Variants in NAP1L4 observed in about 807,000 individuals in gnomAD.
NAP1L4 encodes nucleosome assembly protein 1 like 4.
NAP1L4 carries 15 observed loss-of-function variants against 58.2 expected under a neutral mutation model. That is an observed-to-expected ratio of 0.26 (90% confidence interval 0.17 to 0.40). The LOEUF (loss-of-function observed/expected upper bound fraction) is 0.40. Among genes scored for constraint, NAP1L4 ranks in the 10% least tolerant of loss-of-function variants. The pLI is 1.00. For missense variants in NAP1L4, 384 were observed against 451.1 expected (o/e 0.85, Z 1.35); for synonymous variants, 171 against 155.6 (o/e 1.10, Z -0.74).
At chr11:2,964,865 T>C in intron 7 of NAP1L4, 114 bp from the exon 8 acceptor site, 1 of 744,024 alleles carries the variant, frequency 1.3e-6, no homozygotes, top group Non-Finnish European at 2.2e-6. Context: ...CCTATTGGAA[T>C]TCTGTCCTTG....
chr11:2,983,477 A>G (rs1366015143), intron 1 of NAP1L4, among the ~76,000 whole-genome samples: 1 of 152,118 alleles, frequency 6.6e-6, no homozygotes, highest in African/African-American at 2.4e-5. Context: ...TTAGCCTCTC[A>G]AAGTGCTGGG....
intron 1 of NAP1L4, chr11:2,989,967 A>G (rs537924877): frequency 6.6e-6 from 1 of 152,364 alleles, no homozygotes; most frequent in East Asian, 1.9e-4. Flanking sequence ...ACATGTGTAA[A>G]CTTTTCAGAA....
intron 10 of NAP1L4, among the ~76,000 whole-genome samples, chr11:2,956,054 T>C (rs1342734844): frequency 2.0e-5 from 3 of 152,118 alleles, no homozygotes; most frequent in African/African-American, 4.8e-5. Context: ...AGAGTTAATA[T>C]ATTAACAGGA....
Position 2,964,369 on chromosome 11 carries a change from A to G in NAP1L4, c.606+311T>C, listed in dbSNP as rs184908625. 2.3e-3 allele frequency among the ~76,000 whole-genome samples: 348 copies of G among 152,336 alleles called. 3 individuals carry two copies. The highest frequency in any genetic ancestry group is 2.4e-3 in the Non-Finnish European group (160 of 68,024). ...CCAGGAGTTGCAGCCTGACTCCTGC[A>G]TTGGTGCCCACCTGGCTGCAGGGTC... is the stretch of plus-strand genomic sequence containing the variant. On this transcript the variant is annotated intron_variant, in intron 8 of 15. Coordinates refer to ENST00000380542, the MANE Select transcript of NAP1L4 (RefSeq NM_005969.4).
chr11:2,951,333 G>C lies in NAP1L4; in HGVS notation c.1066-18C>G. The C allele has an allele frequency of 3.1e-6, 5 of 1,605,540 alleles. No homozygotes were observed. The highest frequency in any genetic ancestry group is 4.3e-6 in the Non-Finnish European group (5 of 1,172,448). On this transcript the variant is annotated intron_variant, in intron 13 of 15. Transcript: ENST00000380542. This position sits in a 1 kb window ranked among gnomAD's most constrained non-coding sequence, Gnocchi z 4.0. ...TCTAATTCCTGTATTTAAAAAGTGA[G>C]AATTAGCTGGAATGACAAGATTTAA...
In NAP1L4 at chr11:2,958,539, G is replaced by C. The variant is rs778773226; in HGVS notation, c.752C>G (p.Thr251Ser). 2 of 1,613,492 alleles carry C rather than the reference G, an allele frequency of 1.2e-6. No individual in the cohort carries two copies. The highest frequency in any genetic ancestry group is 1.7e-6 in the Non-Finnish European group (2 of 1,179,836). ...GPEIVDCDGC[T>S]IDWKKGKNVT... is the part of the protein sequence containing the mutation. ...ATTCTTTCCTTTCTTCCAGTCAATA[G>C]TACACCTACCAGGACAAGACAGCTG... The change falls in exon 10 of 16, where the codon ACT becomes AGT. Residue 251 changes from threonine to serine, a missense_variant. By Grantham distance (58) the Thr-to-Ser change is moderately conservative (BLOSUM62 1). This residue lies in a region of NAP1L4 where 296 missense variants were observed against 360.8 expected (regional missense o/e 0.82). Coordinates refer to ENST00000380542, the MANE Select transcript of NAP1L4 (RefSeq NM_005969.4).
intron 4 of NAP1L4, among the ~76,000 whole-genome samples, chr11:2,973,020 T>G (rs1257935728): frequency 6.6e-6 from 1 of 152,012 alleles, no homozygotes; most frequent in African/African-American, 2.4e-5. Flanking sequence ...TATGCTGGAG[T>G]GTCCGTCGAT....
Position 2,954,403 on chromosome 11 carries a change from A to T in NAP1L4, c.1035+124T>A. ...CAACAAGGACAGCAGCTTGGACTAC[A>T]TATCTGGCTGATGATGTAATAAAAA... On this transcript the variant is annotated intron_variant, in intron 12 of 15. Transcript: ENST00000380542. This position sits in a 1 kb window ranked among gnomAD's most constrained non-coding sequence, Gnocchi z 4.8. The T allele has an allele frequency of 7.2e-7, 1 of 1,380,602 alleles. No individual in the cohort carries two copies. Among genetic ancestry groups the T allele is most frequent in the Non-Finnish European group, 1.0e-6 (1 of 981,514 alleles). The allele number at this position is 1,380,602 out of a possible 1,614,324, so 85.5% of individuals were successfully genotyped here.
At chr11:2,988,178 A>G (rs934388901) in intron 1 of NAP1L4, 1 of 152,210 alleles carries the variant, frequency 6.6e-6, no homozygotes, top group Non-Finnish European at 1.5e-5. Context: ...TAACCAAAAC[A>G]CTACATTTTA....
Position 2,955,727 on chromosome 11 carries a change from T to C in NAP1L4, c.915+17A>G, listed in dbSNP as rs372560287. On this transcript the variant is annotated intron_variant, in intron 11 of 15. Coordinates refer to ENST00000380542, the MANE Select transcript of NAP1L4 (RefSeq NM_005969.4). This position sits in a 1 kb window ranked among gnomAD's most constrained non-coding sequence, Gnocchi z 4.2. ...AGACTTCAACAGGAAAATAAGACTA[T>C]TAACAACAAATCTTACCAGTGATTC... 15 of 1,609,634 alleles carry C rather than the reference T, an allele frequency of 9.3e-6. No individual in the cohort carries two copies. In the African/African-American group the frequency reaches 1.9e-4, roughly 20 times the overall value.
At chr11:2,965,902 G>A (rs1456457524) in intron 7 of NAP1L4, among the ~76,000 whole-genome samples, 1 of 152,212 alleles carries the variant, frequency 6.6e-6, no homozygotes, top group African/African-American at 2.4e-5. Flanking sequence ...CCATGGAAGA[G>A]TGGGCATCAT....
At chr11:2,982,696 C>A (rs1848398292) in intron 1 of NAP1L4, among the ~76,000 whole-genome samples, 1 of 152,242 alleles carries the variant, frequency 6.6e-6, no homozygotes, top group Non-Finnish European at 1.5e-5. Context: ...CACCACTTCA[C>A]TTCTGGCTGT....
chr11:2,981,200 T>C (rs1402029004), intron 1 of NAP1L4, among the ~76,000 whole-genome samples: 2 of 148,410 alleles, frequency 1.3e-5, no homozygotes, highest in East Asian at 2.0e-4. Flanking sequence ...ATAACACCAC[T>C]GCACTCCCGC....
At chr11:2,967,435 A>G (rs1390385010) in intron 7 of NAP1L4, among the ~76,000 whole-genome samples, 1 of 151,942 alleles carries the variant, frequency 6.6e-6, no homozygotes, top group Non-Finnish European at 1.5e-5. Flanking sequence ...ACACAGTGAA[A>G]CCCCGTCTCT....
In NAP1L4 at chr11:2,954,747, A is replaced by C; in HGVS notation, c.916-101T>G. On this transcript the variant is annotated intron_variant, in intron 11 of 15. Transcript: ENST00000380542. This position sits in a 1 kb window ranked among gnomAD's most constrained non-coding sequence, Gnocchi z 4.8. ...TCAGCCCCTCACTTTTGATTTACTT[A>C]ACTTAAAACACCAAACTCCTGCACT... 6.7e-7 allele frequency: 1 copy of C among 1,489,400 alleles called. No individual in the cohort carries two copies. The highest frequency in any genetic ancestry group is 9.3e-7 in the Non-Finnish European group (1 of 1,074,422). The allele number at this position is 1,489,400 out of a possible 1,614,324, so 92.3% of individuals were successfully genotyped here. A position where few individuals can be genotyped will look rare whatever the true frequency, so the allele number is the denominator to read the frequency against.
intron 7 of NAP1L4, among the ~76,000 whole-genome samples, chr11:2,968,333 A>AG (rs1376919495): frequency 6.6e-6 from 1 of 152,314 alleles, no homozygotes; most frequent in African/African-American, 2.4e-5. Context: ...TGTAATACAC[A>AG]GGGTGAGACT....
chr11:2,983,590 T>TC (rs1554955126), intron 1 of NAP1L4, among the ~76,000 whole-genome samples: 3 of 114,806 alleles, frequency 2.6e-5, no homozygotes, highest in Admixed American at 7.9e-5. Flanking sequence ...CACGGTATTC[T>TC]GGAAAAAAAA....
rs573414375 is a variant in NAP1L4 at position 2,955,260 on chromosome 11, A to G, written c.915+484T>C. Among the ~76,000 whole-genome samples, 209 of 152,170 alleles carry G rather than the reference A, an allele frequency of 1.4e-3. No individual in the cohort carries two copies. The highest frequency in any genetic ancestry group is 2.5e-3 in the Non-Finnish European group (171 of 68,002). On this transcript the variant is annotated intron_variant, in intron 11 of 15. Transcript: ENST00000380542. The surrounding 1 kb of genome is among the most constrained non-coding windows in gnomAD (Gnocchi z 4.2). ...GTCGCCCAATGGAATACGGTGGTGC[A>G]ATCTCAGCTCACTGCAACCTCCTCC...
Position 2,955,816 on chromosome 11 carries a change from GA to G in NAP1L4, c.893-51del, listed in dbSNP as rs1387631972. The stretch of plus-strand genomic sequence containing the variant: ...ATTTAAATTACAGTGACAACTCCCA[GA>G]ATTTTAAAGCCCACACAGGAGGAAG... On this transcript the variant is annotated intron_variant, in intron 10 of 15. Coordinates refer to ENST00000380542, the MANE Select transcript of NAP1L4 (RefSeq NM_005969.4). The surrounding 1 kb of genome is among the most constrained non-coding windows in gnomAD (Gnocchi z 4.2). 1 of 1,554,450 alleles carries G rather than the reference GA, an allele frequency of 6.4e-7. No individual in the cohort carries two copies. The highest frequency in any genetic ancestry group is 1.4e-5 in the African/African-American group (1 of 73,266).
Sources: gnomAD v4.1 joint callset for allele counts (sites outside exome capture counted in the v4.1 genomes callset) on GRCh38, gnomAD v4.1.1 for gene constraint, gnomAD v4.1.1 regional missense constraint, Gnocchi (gnomAD v3.1) non-coding constraint, MANE v1.5 for transcripts, NCBI Gene and HGNC (gene_info 2026-07-23, HGNC 2026-07-21) for gene names.